The following AFAP1 variants were observed in gnomAD, a reference collection of about 807,000 sequenced individuals.
The protein encoded by AFAP1 is actin filament associated protein 1, also known as actin filament-associated protein 1.
Under a neutral mutation model 93.9 loss-of-function variants are expected in AFAP1, and 75 were observed. The observed-to-expected ratio is 0.80, with a 90% CI of 0.66 to 0.97. The LOEUF is 0.97. AFAP1 is among the 50% of genes least tolerant of loss of function. AFAP1 has a pLI of 0.00. For synonymous variants in AFAP1, 517 were observed against 430.7 expected (o/e 1.20, Z -2.48); for missense variants, 1,201 against 1,050.8 (o/e 1.14, Z -1.98).
Position 7,913,924 on chromosome 4 carries a change from A to G in AFAP1, c.-3+25732T>C, listed in dbSNP as rs1003403251. On this transcript the variant is annotated intron_variant, in intron 1 of 17. Coordinates refer to ENST00000420658, the MANE Select transcript of AFAP1 (RefSeq NM_001134647.2). ...TGTATACTGTACATATGTAAGGGGT[A>G]CATACAGTGATGTTATAATACATGT... Among the ~76,000 whole-genome samples the G allele has an allele frequency of 2.6e-5, 4 of 152,376 alleles. 1 individual carries two copies. The highest frequency in any genetic ancestry group is 9.6e-5 in the African/African-American group (4 of 41,584).
chr4:7,878,419 T>G (rs750628921), intron 1 of AFAP1, among the ~76,000 whole-genome samples: 15 of 152,170 alleles, frequency 9.9e-5, no homozygotes, highest in Non-Finnish European at 1.5e-4. Flanking sequence ...TTATACCACC[T>G]CAGACTTATC....
At position 7,781,512 on chromosome 4, in the gene AFAP1, T is replaced by G. The variant is rs976148110; in HGVS notation, c.1646A>C (p.Tyr549Ser). ...AGAGGCCTTTCTGTCAGCAGGAGAGTAGCGGGCAAAGATGTGCGGAGGCGG... is the reference window on the plus strand; with the variant it reads ...AGAGGCCTTTCTGTCAGCAGGAGAGGAGCGGGCAAAGATGTGCGGAGGCGG... ...NLPPPHIFAR[Y>S]SPADRKASRL... is the part of the protein sequence containing the mutation. The change falls in exon 13 of 18, where the codon TAC (tyrosine) becomes TCC (serine). Residue 549 changes from tyrosine to serine, a missense_variant. Transcript: ENST00000420658. 71 of 1,551,890 alleles carry G rather than the reference T, an allele frequency of 4.6e-5. No individual in the cohort carries two copies. The highest frequency in any genetic ancestry group is 6.1e-5 in the Non-Finnish European group (70 of 1,147,100).
intron 1 of AFAP1, among the ~76,000 whole-genome samples, chr4:7,896,906 G>A (rs1358924248): frequency 1.3e-5 from 2 of 151,584 alleles, no homozygotes; most frequent in Non-Finnish European, 2.9e-5. Context: ...GGCAGCATGT[G>A]ACACGGTGTG....
In AFAP1 at chr4:7,763,778, T is replaced by C; in HGVS notation, c.2432A>G (p.Lys811Arg). ...VLRKAKEWEL[K>R]NGT ...TGCTGCTGTCCCCTAGGTCCCGTTCTTCAATTCCCATTCCTAGAGGAAAGG... is the reference window on the plus strand; with the variant it reads ...TGCTGCTGTCCCCTAGGTCCCGTTCCTCAATTCCCATTCCTAGAGGAAAGG... Residue 811 changes from lysine to arginine, a missense_variant, in exon 18 of 18, where the codon AAG becomes AGG. By Grantham distance (26) the Lys-to-Arg change is conservative. Coordinates refer to ENST00000420658, the MANE Select transcript of AFAP1 (RefSeq NM_001134647.2). 1.3e-6 allele frequency: 2 copies of C among 1,551,694 alleles called. No homozygotes were observed. The highest frequency in any genetic ancestry group is 1.2e-5 in the South Asian group (1 of 84,050).
intron 10 of AFAP1, 55 bp downstream of exon 10, chr4:7,800,386 AG>A: frequency 1.3e-6 from 2 of 1,574,884 alleles, no homozygotes; most frequent in Non-Finnish European, 8.7e-7. Flanking sequence ...GCCTTTTGAA[AG>A]GAAGATCACC....
chr4:7,822,232 T>C (rs907891418), intron 6 of AFAP1, among the ~76,000 whole-genome samples: 8 of 152,140 alleles, frequency 5.3e-5, no homozygotes, highest in Non-Finnish European at 8.8e-5. Context: ...GGTGGACCAC[T>C]TGCTGTTTAT....
At chr4:7,794,289 C>T (rs138125833) in intron 10 of AFAP1, among the ~76,000 whole-genome samples, 98 of 152,136 alleles carry the variant, frequency 6.4e-4, no homozygotes, top group African/African-American at 2.0e-3. Flanking sequence ...GGTGAGCCCC[C>T]CTACATGGGC....
intron 1 of AFAP1, among the ~76,000 whole-genome samples, chr4:7,876,667 G>A (rs1256033758): frequency 6.6e-6 from 1 of 152,202 alleles, no homozygotes; most frequent in Non-Finnish European, 1.5e-5. Flanking sequence ...CGGGCCTGTT[G>A]TTAGCTACTC....
intron 6 of AFAP1, among the ~76,000 whole-genome samples, chr4:7,821,497 C>G (rs1431940882): frequency 6.6e-6 from 1 of 152,218 alleles, no homozygotes; most frequent in Non-Finnish European, 1.5e-5. Context: ...TCTCCAACCC[C>G]TACTGAGCTC....
At chr4:7,798,770 GC>G in intron 10 of AFAP1, 1 of 457,286 alleles carries the variant, frequency 2.2e-6, no homozygotes, top group South Asian at 7.5e-5. Flanking sequence ...CAGCTACTGT[GC>G]CCCCAGCAAT....
intron 4 of AFAP1, among the ~76,000 whole-genome samples, chr4:7,844,483 G>A (rs563219639): frequency 8.5e-5 from 13 of 152,280 alleles, no homozygotes; most frequent in Admixed American, 5.9e-4. Flanking sequence ...TAATACACTA[G>A]GTCAAATGCC....
chr4:7,815,034 C>T (rs1720353380), intron 8 of AFAP1, among the ~76,000 whole-genome samples: 1 of 152,190 alleles, frequency 6.6e-6, no homozygotes. Flanking sequence ...AATGGGAAAA[C>T]AAAATGTGGT....
chr4:7,815,892 G>A (rs1355532513), intron 8 of AFAP1, 126 bp downstream of exon 8: 9 of 772,610 alleles, frequency 1.2e-5, no homozygotes, highest in African/African-American at 1.8e-5. Flanking sequence ...CCATGATGAC[G>A]ATATCTACAC....
chr4:7,771,294 G>GGATC (rs10633793), intron 16 of AFAP1, among the ~76,000 whole-genome samples: 30,878 of 152,018 alleles, frequency 0.2, 4,241 homozygotes, highest in African/African-American at 0.38. Flanking sequence ...TGAGGTGGGA[G>GGATC]GATCACCTGA....
At chr4:7,883,333 C>T (rs1717958567) in intron 1 of AFAP1, among the ~76,000 whole-genome samples, 2 of 151,944 alleles carry the variant, frequency 1.3e-5, no homozygotes, top group African/African-American at 4.8e-5. Flanking sequence ...AATAATCATT[C>T]CTGATATTTT....
At chr4:7,880,478 C>A (rs912262399) in intron 1 of AFAP1, among the ~76,000 whole-genome samples, 3 of 152,090 alleles carry the variant, frequency 2.0e-5, no homozygotes, top group African/African-American at 7.2e-5. Context: ...CGGGGTTTCA[C>A]CATGTTGGTC....
intron 1 of AFAP1, among the ~76,000 whole-genome samples, chr4:7,890,020 AAAAAG>A (rs1718367000): frequency 1.3e-5 from 2 of 151,026 alleles, no homozygotes; most frequent in African/African-American, 4.8e-5. Context: ...AAAAAAAAAA[AAAAAG>A]AAGCCAATTC....
chr4:7,840,221 T>C (rs1712821404), intron 5 of AFAP1, among the ~76,000 whole-genome samples: 1 of 152,068 alleles, frequency 6.6e-6, no homozygotes, highest in African/African-American at 2.4e-5. Flanking sequence ...ATAGTTATTT[T>C]CAGAAGTGAT....
In AFAP1 at chr4:7,871,227, G is replaced by C. The variant is rs114656895; in HGVS notation, c.127+725C>G. On this transcript the variant is annotated intron_variant, in intron 2 of 17. Coordinates refer to ENST00000420658, the MANE Select transcript of AFAP1 (RefSeq NM_001134647.2). ...GGCCCAAAGCTGCTCTCTCTAGAGG[G>C]GCCTGCTGGCAAGGCTGGCCCTGGC... Among the ~76,000 whole-genome samples, 740 of 152,256 alleles carry C rather than the reference G, an allele frequency of 4.9e-3. 4 individuals are homozygous for C. Among genetic ancestry groups the C allele is most frequent in the African/African-American group, 0.015 (639 of 41,532 alleles).
Sources: gnomAD v4.1 joint callset for allele counts (sites outside exome capture counted in the v4.1 genomes callset) on GRCh38, gnomAD v4.1.1 for gene constraint, MANE v1.5 for transcripts, NCBI Gene and HGNC (gene_info 2026-07-23, HGNC 2026-07-21) for gene names.